The following ZDHHC21 variants were observed in gnomAD, a reference collection of about 807,000 sequenced individuals.
ZDHHC21 encodes the protein palmitoyltransferase ZDHHC21.
Under a neutral mutation model 34.6 loss-of-function variants are expected in ZDHHC21, and 15 were observed. That is an observed-to-expected ratio of 0.43 (90% CI 0.29 to 0.67). The LOEUF is 0.67. Among genes scored for constraint, ZDHHC21 ranks in the 30% least tolerant of loss-of-function variants. The pLI is 0.14. For synonymous variants in ZDHHC21, 142 were observed against 101.8 expected, an observed-to-expected ratio of 1.40 and a Z score of -2.38; for missense variants, 344 against 327.7, an observed-to-expected ratio of 1.05 and a Z score of -0.38.
chr9:14,672,646 C>T (rs1240767376), intron 5 of ZDHHC21, among the ~76,000 whole-genome samples, 184 bp downstream of exon 5: 1 of 151,778 alleles, frequency 6.6e-6, no homozygotes, highest in Non-Finnish European at 1.5e-5. Flanking sequence ...GTGAAACTGC[C>T]GGGGTGCAGG....
At position 14,690,374 on chromosome 9, in the gene ZDHHC21, A is replaced by G. The variant is rs1049180798; in HGVS notation, c.-213T>C. The G allele has an allele frequency of 2.2e-6, 1 of 456,058 alleles. No homozygotes were observed. Among genetic ancestry groups the G allele is most frequent in the Admixed American group, 2.4e-5 (1 of 42,498 alleles). 28.3% of individuals were successfully genotyped at this position (456,058 alleles called of 1,614,324 possible). A position where few individuals can be genotyped will look rare whatever the true frequency, so the allele number is the denominator to read the frequency against. Reference sequence around the variant, plus strand: ...GCTGAAAATCCTGCAGTAAGTGAAAAAGTTCTTCATTCTGTAATTACAGAT... The same window carrying G: ...GCTGAAAATCCTGCAGTAAGTGAAAGAGTTCTTCATTCTGTAATTACAGAT... On this transcript the variant is annotated 5_prime_UTR_variant, in exon 2 of 10. Transcript: ENST00000380916.
At chr9:14,622,814 A>C (rs1825535006) in intron 8 of ZDHHC21, 1 of 829,798 alleles carries the variant, frequency 1.2e-6, no homozygotes, top group African/African-American at 1.8e-5. Flanking sequence ...TGGAGTTTCT[A>C]GACCTGCCAA....
In ZDHHC21 at chr9:14,618,858, C is replaced by T. The variant is rs3802482; in HGVS notation, c.*108G>A. The T allele has an allele frequency of 0.56, 708,369 of 1,272,898 alleles. 199,171 individuals carry two copies. Among genetic ancestry groups the T allele is most frequent in the South Asian group, 0.67 (30,237 of 44,824 alleles). 78.9% of individuals were successfully genotyped at this position (1,272,898 alleles called of 1,614,324 possible). A position where few individuals can be genotyped will look rare whatever the true frequency, so the allele number is the denominator to read the frequency against. On this transcript the variant is annotated 3_prime_UTR_variant, in exon 10 of 10. Coordinates refer to ENST00000380916, the MANE Select transcript of ZDHHC21 (RefSeq NM_178566.6). ...CTGGGGCACATTATGATGCCTAAGA[C>T]TGGTGGGTGGATTTTAATTGACTTG... is the stretch of plus-strand genomic sequence containing the variant.
intron 5 of ZDHHC21, among the ~76,000 whole-genome samples, chr9:14,670,718 A>G (rs1835287242): frequency 6.6e-6 from 1 of 152,094 alleles, no homozygotes; most frequent in Non-Finnish European, 1.5e-5. Context: ...ATACCTGTAA[A>G]AACTCACAGT....
chr9:14,674,140 C>T (rs778137168), intron 4 of ZDHHC21, 47 bp downstream of exon 4: 3 of 1,371,002 alleles, frequency 2.2e-6, no homozygotes, highest in South Asian at 3.6e-5. Context: ...AAAACGTTTA[C>T]AATGAGAAAA....
the ZDHHC21 span, among the ~76,000 whole-genome samples, chr9:14,596,819 G>A: frequency 1.3e-5 from 2 of 152,260 alleles, no homozygotes; most frequent in Non-Finnish European, 2.9e-5. Flanking sequence ...CCTCCAGAAA[G>A]GGCCTAAACA....
intron 3 of ZDHHC21, among the ~76,000 whole-genome samples, chr9:14,677,779 T>C (rs1168321404): frequency 6.6e-6 from 1 of 152,138 alleles, no homozygotes; most frequent in African/African-American, 2.4e-5. Flanking sequence ...TAAATATTTA[T>C]AATGTTCAAC....
At chr9:14,669,809 T>G (rs375964898) in intron 5 of ZDHHC21, among the ~76,000 whole-genome samples, 1 of 135,338 alleles carries the variant, frequency 7.4e-6, no homozygotes, top group South Asian at 2.4e-4. Flanking sequence ...AACAATGAGA[T>G]CACATGGACA....
At chr9:14,598,369 G>A in the ZDHHC21 span, among the ~76,000 whole-genome samples, 5 of 152,156 alleles carry the variant, frequency 3.3e-5, no homozygotes, top group East Asian at 7.7e-4. Context: ...GAAATAATAC[G>A]ACGACTATAC....
chr9:14,687,324 A>G (rs976719298), intron 2 of ZDHHC21, among the ~76,000 whole-genome samples: 1 of 150,802 alleles, frequency 6.6e-6, no homozygotes, highest in African/African-American at 2.5e-5. Context: ...GTATTTCAGT[A>G]CTAGATAAAC....
In ZDHHC21 at chr9:14,616,510, C is replaced by G. The variant is rs1378244660; in HGVS notation, c.*2456G>C. 6.6e-6 allele frequency: 1 copy of G among 151,702 alleles called. No homozygotes were observed. Among genetic ancestry groups the G allele is most frequent in the Non-Finnish European group, 1.5e-5 (1 of 67,798 alleles). The allele number at this position is 151,702 out of a possible 1,614,324, so 9.4% of individuals were successfully genotyped here. A position where few individuals can be genotyped will look rare whatever the true frequency, so the allele number is the denominator to read the frequency against. On this transcript the variant is annotated 3_prime_UTR_variant, in exon 10 of 10. Transcript: ENST00000380916. ...TTGATATGTTCAGAATGTGGCTATACTATTTACTTATGGGGCAGTAAATCT... is the reference window on the plus strand; with the variant it reads ...TTGATATGTTCAGAATGTGGCTATAGTATTTACTTATGGGGCAGTAAATCT...
At chr9:14,623,916 A>G (rs1302524072) in intron 8 of ZDHHC21, among the ~76,000 whole-genome samples, 2 of 152,050 alleles carry the variant, frequency 1.3e-5, no homozygotes, top group Non-Finnish European at 2.9e-5. Context: ...CTTGTTGGGG[A>G]AAGTGTAAAT....
chr9:14,611,650 G>T lies in ZDHHC21; in HGVS notation c.*7316C>A, dbSNP rs17214565. 6.6e-6 allele frequency: 1 copy of T among 151,866 alleles called. No individual in the cohort carries two copies. The highest frequency in any genetic ancestry group is 2.1e-4 in the South Asian group (1 of 4,814). 9.4% of individuals were successfully genotyped at this position (151,866 alleles called of 1,614,324 possible). On this transcript the variant is annotated 3_prime_UTR_variant, in exon 10 of 10. Transcript: ENST00000380916. ...TTGGGGTTCACACATAATTTTAGGAGCCTCAAGAATAACATAGATTTTGGC... is the reference window on the plus strand; with the variant it reads ...TTGGGGTTCACACATAATTTTAGGATCCTCAAGAATAACATAGATTTTGGC...
chr9:14,681,277 T>G (rs566154838), intron 2 of ZDHHC21, among the ~76,000 whole-genome samples: 1 of 152,230 alleles, frequency 6.6e-6, no homozygotes, highest in East Asian at 1.9e-4. Context: ...CAGACTGGAG[T>G]GCAGTGGCTA....
At chr9:14,599,891 C>T in the ZDHHC21 span, among the ~76,000 whole-genome samples, 4 of 152,086 alleles carry the variant, frequency 2.6e-5, no homozygotes, top group African/African-American at 9.7e-5. Flanking sequence ...ATAAACAGAA[C>T]CAATGACAGA....
chr9:14,678,864 G>A lies in ZDHHC21; in HGVS notation c.-46+1169C>T, dbSNP rs189242552. ...AATTTTTTTTAAGGCAGAAAAGAAG[G>A]CAGATTTAGATCTGCATATAACTAC... On this transcript the variant is annotated intron_variant, in intron 3 of 9. Transcript: ENST00000380916. Among the ~76,000 whole-genome samples, 16 of 152,004 alleles carry A rather than the reference G, an allele frequency of 1.1e-4. No homozygotes were observed. In the East Asian group the frequency reaches 2.7e-3, roughly 26 times the overall value.
At chr9:14,651,821 T>C (rs139134930) in intron 7 of ZDHHC21, among the ~76,000 whole-genome samples, 85 of 152,040 alleles carry the variant, frequency 5.6e-4, no homozygotes, top group Non-Finnish European at 9.6e-4. Context: ...AAAGTAACTA[T>C]GTGAAATAGT....
chr9:14,686,525 G>C (rs1838348598), intron 2 of ZDHHC21, among the ~76,000 whole-genome samples: 1 of 152,154 alleles, frequency 6.6e-6, no homozygotes, highest in Non-Finnish European at 1.5e-5. Context: ...TTTGTGGGGG[G>C]CACAGAACCT....
chr9:14,590,849 G>A, the ZDHHC21 span, among the ~76,000 whole-genome samples: 1 of 152,088 alleles, frequency 6.6e-6, no homozygotes, highest in Non-Finnish European at 1.5e-5. Flanking sequence ...AAATTTGAAA[G>A]ATATTTTTCC....
Sources: gnomAD v4.1 joint callset for allele counts (sites outside exome capture counted in the v4.1 genomes callset) on GRCh38, gnomAD v4.1.1 for gene constraint, MANE v1.5 for transcripts, NCBI Gene and HGNC (gene_info 2026-07-23, HGNC 2026-07-21) for gene names.